DOCK3: variants seen among roughly 807,000 people sequenced by gnomAD.
The protein encoded by DOCK3 is dedicator of cytokinesis protein 3.
Under a neutral mutation model 265.6 loss-of-function variants are expected in DOCK3, and 60 were observed. The ratio of observed to expected loss-of-function variants is 0.23; its 90% CI spans 0.18 to 0.28. DOCK3 has a LOEUF of 0.28. DOCK3 is among the 10% of genes least tolerant of loss of function. The pLI, the probability that DOCK3 is intolerant of heterozygous loss-of-function variation, is 1.00. For synonymous variants in DOCK3, 881 were observed against 938.0 expected, an observed-to-expected ratio of 0.94 and a Z score of 1.11; for missense variants, 1,981 against 2,594.3, an observed-to-expected ratio of 0.76 and a Z score of 5.14.
chr3:51,240,157 T>C (rs1486811722), intron 21 of DOCK3, among the ~76,000 whole-genome samples: 1 of 152,256 alleles, frequency 6.6e-6, no homozygotes, highest in African/African-American at 2.4e-5. Context: ...TTTATTCTAA[T>C]TAGTTTCAAA....
chr3:51,302,255 CT>C (rs2082399225), intron 27 of DOCK3, among the ~76,000 whole-genome samples: 1 of 152,178 alleles, frequency 6.6e-6, no homozygotes, highest in South Asian at 2.1e-4. Flanking sequence ...GCAACCCCTG[CT>C]TTTTTCTGCT....
rs145011038 is a variant in DOCK3, at chr3:51,373,822, C to T, written c.5294-647C>T. Among the ~76,000 whole-genome samples, 1,486 of 152,290 alleles carry T rather than the reference C, an allele frequency of 9.8e-3. 16 individuals carry two copies. The highest frequency in any genetic ancestry group is 0.017 in the Non-Finnish European group (1,147 of 68,026). ...CACAGAGCAAAACCCCGGAGAGCAA[C>T]CTGTGTGCAGAGCCCTGGCCCCCAG... On this transcript the variant is annotated intron_variant, in intron 49 of 52. Coordinates refer to ENST00000266037, the MANE Select transcript of DOCK3 (RefSeq NM_004947.5).
Position 50,949,922 on chromosome 3 carries a change from G to T in DOCK3, c.315+15845G>T, listed in dbSNP as rs1032941486. Among the ~76,000 whole-genome samples, 3 of 150,398 alleles carry T rather than the reference G, an allele frequency of 2.0e-5. No homozygotes were observed. In the East Asian group the frequency reaches 5.8e-4, roughly 29 times the overall value. On this transcript the variant is annotated intron_variant, in intron 5 of 52. Transcript: ENST00000266037. ...TAGTTTTATTTTTTATTTAACTTCT[G>T]TTCTTTATCTCTTTCTACACTTTTG...
chr3:51,251,714 T>A (rs1371095230), intron 22 of DOCK3, among the ~76,000 whole-genome samples: 1 of 151,632 alleles, frequency 6.6e-6, no homozygotes, highest in Non-Finnish European at 1.5e-5. Flanking sequence ...TTTTTGATGG[T>A]TTTTTCTTGT....
chr3:51,227,073 A>G (rs562822352), intron 15 of DOCK3, among the ~76,000 whole-genome samples: 5 of 152,356 alleles, frequency 3.3e-5, no homozygotes, highest in Non-Finnish European at 7.3e-5. Flanking sequence ...AAGGAAAACA[A>G]GGAGCATTGT....
chr3:51,333,372 T>C (rs2084655471), intron 35 of DOCK3, 119 bp downstream of exon 35: 1 of 1,003,166 alleles, frequency 1.0e-6, no homozygotes, highest in Non-Finnish European at 1.5e-6. Flanking sequence ...TGTTGTGATA[T>C]TGGGTGCCAT....
At position 50,841,682 on chromosome 3, in the gene DOCK3, C is replaced by T; in HGVS notation, c.129C>T (p.Tyr43=). ...TCTTATGCTTTGTTTTAGGTTGGTA[C>T]AGAGGAGTTTCAACAAAGAAGCCAA... is the stretch of plus-strand genomic sequence containing the variant. ...VQILEKCEGW[Y]RGVSTKKPNV... The change falls in exon 3 of 53, where the codon TAC becomes TAT. Residue 43 remains tyrosine, a synonymous_variant. Transcript: ENST00000266037. The T allele has an allele frequency of 7.8e-7, 1 of 1,275,208 alleles. No individual in the cohort carries two copies. Among genetic ancestry groups the T allele is most frequent in the Non-Finnish European group, 1.0e-6 (1 of 979,006 alleles). The allele number at this position is 1,275,208 out of a possible 1,614,324, so 79.0% of individuals were successfully genotyped here.
chr3:51,264,220 C>T (rs2080027096), intron 23 of DOCK3, among the ~76,000 whole-genome samples: 1 of 152,200 alleles, frequency 6.6e-6, no homozygotes, highest in Admixed American at 6.5e-5. Context: ...TCTCAGACCA[C>T]AGTACAATCA....
intron 13 of DOCK3, among the ~76,000 whole-genome samples, chr3:51,209,553 C>T (rs555541923): frequency 2.2e-4 from 34 of 152,286 alleles, no homozygotes; most frequent in African/African-American, 6.5e-4. Flanking sequence ...ATCTAATTTA[C>T]GCAGAACCAG....
At chr3:50,992,781 C>T (rs1477636248) in intron 5 of DOCK3, among the ~76,000 whole-genome samples, 4 of 152,122 alleles carry the variant, frequency 2.6e-5, no homozygotes, top group Non-Finnish European at 5.9e-5. Context: ...AACTAGAAAA[C>T]CTAAAAGAGA....
At chr3:50,890,165 A>G (rs2048572956) in intron 4 of DOCK3, 84 bp downstream of exon 4, 15 of 1,093,366 alleles carry the variant, frequency 1.4e-5, no homozygotes, top group Non-Finnish European at 1.8e-5. Flanking sequence ...TCATAGTATA[A>G]AATATACAAT....
chr3:50,834,257 A>G (rs1272906578), intron 2 of DOCK3, among the ~76,000 whole-genome samples: 1 of 152,078 alleles, frequency 6.6e-6, no homozygotes, highest in Non-Finnish European at 1.5e-5. Flanking sequence ...AAACAAGAAA[A>G]TAATTGTTTT....
At chr3:51,163,747 A>T (rs2107556606) in intron 12 of DOCK3, among the ~76,000 whole-genome samples, 1 of 152,312 alleles carries the variant, frequency 6.6e-6, no homozygotes, top group East Asian at 1.9e-4. Context: ...GCCAACCTTA[A>T]TGAAACAGAT....
chr3:50,695,448 C>G (rs1356695839), intron 1 of DOCK3, among the ~76,000 whole-genome samples: 3 of 152,160 alleles, frequency 2.0e-5, no homozygotes, highest in African/African-American at 2.4e-5. Flanking sequence ...TTTTATACCC[C>G]CTCCAATATT....
At chr3:50,887,727 CATA>C (rs2048413796) in intron 3 of DOCK3, among the ~76,000 whole-genome samples, 2 of 130,206 alleles carry the variant, frequency 1.5e-5, no homozygotes, top group African/African-American at 5.9e-5. Context: ...AATCAATAAA[CATA>C]ATCCATCACA....
intron 13 of DOCK3, among the ~76,000 whole-genome samples, chr3:51,211,376 T>C (rs1309503378): frequency 6.6e-6 from 1 of 152,144 alleles, no homozygotes; most frequent in Admixed American, 6.5e-5. Flanking sequence ...TAATTTTTTT[T>C]TATTATTATA....
At chr3:51,106,835 C>A (rs564114429) in intron 9 of DOCK3, among the ~76,000 whole-genome samples, 2 of 152,342 alleles carry the variant, frequency 1.3e-5, no homozygotes, top group South Asian at 4.1e-4. Flanking sequence ...CACCTCAGTA[C>A]CCACTAGCAC....
At chr3:50,863,481 G>C (rs2047008469) in intron 3 of DOCK3, 1 of 517,772 alleles carries the variant, frequency 1.9e-6, no homozygotes, top group South Asian at 1.4e-5. Context: ...GTGCAGCAGA[G>C]AAGTACTCCC....
chr3:51,280,263 G>A (rs2081042242), intron 27 of DOCK3, 59 bp downstream of exon 27: 1 of 1,509,766 alleles, frequency 6.6e-7, no homozygotes, highest in African/African-American at 1.4e-5. Flanking sequence ...ACTCCCCAGG[G>A]GCTTTTTCCC....
Sources: allele counts gnomAD v4.1 joint callset (sites outside exome capture counted in the v4.1 genomes callset), GRCh38; gene constraint gnomAD v4.1.1; transcripts MANE v1.5; gene names NCBI Gene and HGNC (gene_info 2026-07-23, HGNC 2026-07-21).